The following RGS18 variants were observed in gnomAD, a reference collection of about 807,000 sequenced individuals.
RGS18 encodes regulator of G protein signaling 18.
RGS18 carries 22 observed loss-of-function variants against 27.6 expected under a neutral mutation model. The ratio of observed to expected loss-of-function variants is 0.80; its 90% CI spans 0.57 to 1.14. The LOEUF is 1.14. Ranked by LOEUF, RGS18 falls within the 50% of genes most tolerant of loss-of-function variation. RGS18 has a pLI of 0.00. For synonymous variants in RGS18, 89 were observed against 84.6 expected (o/e 1.05, Z -0.29); for missense variants, 299 against 269.6 (o/e 1.11, Z -0.76).
chr1:192,164,014 A>G (rs902148313), intron 3 of RGS18, among the ~76,000 whole-genome samples: 1 of 152,044 alleles, frequency 6.6e-6, no homozygotes. Context: ...ATGTTATGTC[A>G]TTAAAAGGAA....
At chr1:192,177,375 T>C (rs888203271) in intron 3 of RGS18, among the ~76,000 whole-genome samples, 1 of 151,222 alleles carries the variant, frequency 6.6e-6, no homozygotes, top group African/African-American at 2.4e-5. Context: ...TGTTTCATGT[T>C]TTTTTAATAT....
At chr1:192,177,771 C>G (rs1007377209) in intron 3 of RGS18, among the ~76,000 whole-genome samples, 5 of 151,702 alleles carry the variant, frequency 3.3e-5, no homozygotes, top group African/African-American at 1.2e-4. Context: ...GGAGCTAAAA[C>G]TAAGAGATTC....
At chr1:192,175,811 T>C (rs995328177) in intron 3 of RGS18, among the ~76,000 whole-genome samples, 4 of 151,876 alleles carry the variant, frequency 2.6e-5, no homozygotes, top group Non-Finnish European at 4.4e-5. Context: ...CCCTATGTCT[T>C]GGGCTACAAT....
rs1451537875 is a variant in RGS18, at chr1:192,181,412, C to A, written c.404C>A (p.Ala135Glu). 6.3e-7 allele frequency: 1 copy of A among 1,586,328 alleles called. No homozygotes were observed. Among genetic ancestry groups the A allele is most frequent in the Non-Finnish European group, 8.6e-7 (1 of 1,168,484 alleles). The change falls in exon 4 of 5, where the codon GCA becomes GAA. Residue 135 changes from alanine to glutamate, a missense_variant. Ala to Glu is a moderately radical substitution (Grantham distance 107). Coordinates refer to ENST00000367460, the MANE Select transcript of RGS18 (RefSeq NM_130782.3). ...GGACCTCAACAAATTCACCTTAAAG[C>A]AAAAGCAATATATGAGAAATTTATA... Reference protein sequence around the residue: ...SKGPQQIHLKAKAIYEKFIQT... With the variant: ...SKGPQQIHLKEKAIYEKFIQT...
chr1:192,163,588 G>A (rs1345248862), intron 3 of RGS18: 2 of 151,984 alleles, frequency 1.3e-5, no homozygotes, highest in Non-Finnish European at 2.9e-5. Flanking sequence ...ATCAAGAAGA[G>A]ACACATTTAA....
At chr1:192,171,955 C>G (rs1300812233) in intron 3 of RGS18, among the ~76,000 whole-genome samples, 1 of 151,974 alleles carries the variant, frequency 6.6e-6, no homozygotes, top group Non-Finnish European at 1.5e-5. Context: ...TGGGTTTGAT[C>G]AAAATAAATC....
chr1:192,184,277 C>T lies in RGS18; in HGVS notation c.451-20C>T. The T allele has an allele frequency of 6.3e-7, 1 of 1,598,408 alleles. No individual in the cohort carries two copies. The highest frequency in any genetic ancestry group is 8.6e-7 in the Non-Finnish European group (1 of 1,168,564). Reference sequence around the variant, plus strand: ...TATAAGCATATTAACTATAATCACACTTTTTTTCTGTTTATCCAGGTTAAC... The same window carrying T: ...TATAAGCATATTAACTATAATCACATTTTTTTTCTGTTTATCCAGGTTAAC... On this transcript the variant is annotated intron_variant, in intron 4 of 4. Transcript: ENST00000367460.
chr1:192,172,571 T>A (rs1174698536), intron 3 of RGS18, among the ~76,000 whole-genome samples: 1 of 151,884 alleles, frequency 6.6e-6, no homozygotes, highest in Non-Finnish European at 1.5e-5. Flanking sequence ...GACACCCACC[T>A]TCCAGAATAC....
At chr1:192,182,590 A>G (rs537304822) in intron 4 of RGS18, among the ~76,000 whole-genome samples, 1 of 151,670 alleles carries the variant, frequency 6.6e-6, no homozygotes, top group Admixed American at 6.6e-5. Flanking sequence ...TGGAGGGAAG[A>G]TAATTATTTA....
chr1:192,160,423 A>T lies in RGS18; in HGVS notation c.267A>T (p.Lys89Asn), dbSNP rs139410609. Residue 89 changes from lysine (K) to asparagine (N), a missense_variant, in exon 3 of 5, where the codon AAA (lysine) becomes AAT (asparagine). Lys to Asn is a moderately conservative substitution (Grantham distance 94, BLOSUM62 0). Transcript: ENST00000367460. ...TGAAATGGGGTGAATCATTTGACAA[A>T]CTGCTTTCCCATAGAGGTTAGTGGT... ...EAVKWGESFD[K>N]LLSHRDGLEA... 47 of 1,611,568 alleles carry T rather than the reference A, an allele frequency of 2.9e-5. No individual in the cohort carries two copies. Among genetic ancestry groups the T allele is most frequent in the African/African-American group, 4.0e-5 (3 of 74,900 alleles).
In RGS18 at chr1:192,158,668, A is replaced by T; in HGVS notation, c.31A>T (p.Ile11Leu). 1.3e-6 allele frequency: 2 copies of T among 1,574,856 alleles called. No individual in the cohort carries two copies. The highest frequency in any genetic ancestry group is 1.7e-6 in the Non-Finnish European group (2 of 1,166,716). ...AACAACATTGCTTTTCTTTTCTCAA[A>T]TAAATATGTGTGAATCAAAAGAAAA... METTLLFFSQ[I>L]NMCESKEKTF... The change falls in exon 1 of 5, where the codon ATA (isoleucine) becomes TTA (leucine). Residue 11 changes from isoleucine (I) to leucine (L), a missense_variant. Ile to Leu is a conservative substitution (Grantham distance 5). Coordinates refer to ENST00000367460, the MANE Select transcript of RGS18 (RefSeq NM_130782.3).
intron 4 of RGS18, among the ~76,000 whole-genome samples, chr1:192,183,013 A>C (rs754326047): frequency 1.3e-5 from 2 of 151,634 alleles, no homozygotes; most frequent in Non-Finnish European, 3.0e-5. Context: ...AATGTGAAGT[A>C]ATTGTGTGAT....
Position 192,178,143 on chromosome 1 carries a change from T to C in RGS18, c.284-3149T>C, listed in dbSNP as rs1430453979. Among the ~76,000 whole-genome samples, 6 of 151,694 alleles carry C rather than the reference T, an allele frequency of 4.0e-5. No individual in the cohort carries two copies. The East Asian group carries it at 1.2e-3, about 30-fold the overall frequency. ...TTTTAAGATTTGATTATCAGCTATGTGTGAGATAAGAGGAAAATCAAATAT... is the reference window on the plus strand; with the variant it reads ...TTTTAAGATTTGATTATCAGCTATGCGTGAGATAAGAGGAAAATCAAATAT... On this transcript the variant is annotated intron_variant, in intron 3 of 4. Transcript: ENST00000367460.
chr1:192,179,348 T>C (rs1656409662), intron 3 of RGS18, among the ~76,000 whole-genome samples: 1 of 151,580 alleles, frequency 6.6e-6, no homozygotes, highest in African/African-American at 2.4e-5. Context: ...ATGTGATTTA[T>C]TCTGAGAAAG....
intron 3 of RGS18, among the ~76,000 whole-genome samples, chr1:192,175,812 G>A (rs1180167892): frequency 6.6e-6 from 1 of 151,756 alleles, no homozygotes; most frequent in Admixed American, 6.6e-5. Flanking sequence ...CCTATGTCTT[G>A]GGCTACAATT....
At chr1:192,170,744 T>G (rs1436051913) in intron 3 of RGS18, among the ~76,000 whole-genome samples, 8 of 150,904 alleles carry the variant, frequency 5.3e-5, no homozygotes, top group Non-Finnish European at 1.0e-4. Flanking sequence ...GGAAAAGAAA[T>G]AAATTATCAA....
In RGS18 at chr1:192,158,736, A is replaced by G; in HGVS notation, c.99A>G (p.Thr33=). 1 of 1,570,674 alleles carries G rather than the reference A, an allele frequency of 6.4e-7. No individual in the cohort carries two copies. The highest frequency in any genetic ancestry group is 8.6e-7 in the Non-Finnish European group (1 of 1,161,754). ...KLIHGSGKEE[T]SKEAKIRAKE... ...TACATGGTTCAGGAAAAGAAGAAAC[A>G]AGCAAAGAAGCCAAAATCAGGTAAA... The change falls in exon 1 of 5, where the codon ACA becomes ACG. Residue 33 remains threonine, a synonymous_variant. Coordinates refer to ENST00000367460, the MANE Select transcript of RGS18 (RefSeq NM_130782.3).
At chr1:192,163,432 G>A (rs1656106845) in intron 3 of RGS18, 2 of 152,054 alleles carry the variant, frequency 1.3e-5, no homozygotes, top group South Asian at 4.1e-4. Context: ...TTAGCAGGAT[G>A]ATTAGTCCTA....
At chr1:192,178,549 G>T (rs1372410967) in intron 3 of RGS18, among the ~76,000 whole-genome samples, 1 of 151,528 alleles carries the variant, frequency 6.6e-6, no homozygotes, top group African/African-American at 2.4e-5. Flanking sequence ...ATTCTCTACC[G>T]TGCCTGCTGT....
Sources: gnomAD v4.1 joint callset for allele counts (sites outside exome capture counted in the v4.1 genomes callset) on GRCh38, gnomAD v4.1.1 for gene constraint, MANE v1.5 for transcripts, NCBI Gene and HGNC (gene_info 2026-07-23, HGNC 2026-07-21) for gene names.